The following ADAMTS7 variants were observed in gnomAD, a reference collection of about 807,000 sequenced individuals.
The protein encoded by ADAMTS7 is A disintegrin and metalloproteinase with thrombospondin motifs 7.
Under a neutral mutation model 172.6 loss-of-function variants are expected in ADAMTS7, and 89 were observed. The ratio of observed to expected loss-of-function variants is 0.52; its 90% CI spans 0.43 to 0.61. The LOEUF is 0.61. Among genes scored for constraint, ADAMTS7 ranks in the 20% least tolerant of loss-of-function variants. The pLI, the probability that ADAMTS7 is intolerant of heterozygous loss-of-function variation, is 0.00. For synonymous variants in ADAMTS7, 885 were observed against 978.4 expected, an observed-to-expected ratio of 0.90 and a Z score of 1.78; for missense variants, 1,973 against 2,355.6, an observed-to-expected ratio of 0.84 and a Z score of 3.36.
intron 16 of ADAMTS7, chr15:78,770,912 G>T: frequency 1.8e-6 from 1 of 541,748 alleles, no homozygotes; most frequent in South Asian, 2.4e-5. Flanking sequence ...CCTGGAGGGA[G>T]AACGCCAAGA....
At chr15:78,788,678 C>T (rs2055539283) in intron 7 of ADAMTS7, among the ~76,000 whole-genome samples, 1 of 152,256 alleles carries the variant, frequency 6.6e-6, no homozygotes, top group African/African-American at 2.4e-5. Flanking sequence ...TCAGGTGGCA[C>T]AGATGTGGGC....
At chr15:78,793,393 A>G (rs2055605821) in intron 4 of ADAMTS7, among the ~76,000 whole-genome samples, 1 of 148,242 alleles carries the variant, frequency 6.7e-6, no homozygotes, top group Admixed American at 6.8e-5. Context: ...TCACTTTGTC[A>G]CTCAAGATGG....
intron 4 of ADAMTS7, among the ~76,000 whole-genome samples, chr15:78,792,470 C>G (rs1308194221): frequency 6.6e-6 from 1 of 152,230 alleles, no homozygotes; most frequent in East Asian, 1.9e-4. Context: ...CAAACCTCAT[C>G]ATGACATGCC....
intron 1 of ADAMTS7, among the ~76,000 whole-genome samples, chr15:78,808,286 G>T (rs2055822092): frequency 6.6e-6 from 1 of 152,182 alleles, no homozygotes; most frequent in African/African-American, 2.4e-5. Context: ...ACCCAGGCTA[G>T]AATGCAGTGG....
Position 78,774,169 on chromosome 15 carries a change from T to G in ADAMTS7, c.2008A>C (p.Lys670Gln), listed in dbSNP as rs2055298711. The G allele has an allele frequency of 1.9e-6, 3 of 1,592,122 alleles. No individual in the cohort carries two copies. The highest frequency in any genetic ancestry group is 4.5e-4 in the Middle Eastern group (2 of 4,418). ...SRDLCINGIC[K>Q]NVGCDFEIDS... ...AGCCTCTTCCTAACCAGGCACACCTTACAGATGCCGTTGATGCAGAGGTCC... is the reference window on the plus strand; with the variant it reads ...AGCCTCTTCCTAACCAGGCACACCTGACAGATGCCGTTGATGCAGAGGTCC... Residue 670 changes from lysine to glutamine, a missense_variant and splice_region_variant, in exon 13 of 24, where the codon AAG becomes CAG. By Grantham distance (53) the Lys-to-Gln change is moderately conservative. This residue lies in a region of ADAMTS7 where 526 missense variants were observed against 662.9 expected (regional missense o/e 0.79). Coordinates refer to ENST00000388820, the MANE Select transcript of ADAMTS7 (RefSeq NM_014272.5).
At chr15:78,809,475 G>A (rs893065366) in intron 1 of ADAMTS7, among the ~76,000 whole-genome samples, 10 of 152,120 alleles carry the variant, frequency 6.6e-5, no homozygotes, top group Non-Finnish European at 1.3e-4. Context: ...TGCCTGGCCT[G>A]CCTCCACCCT....
rs752351565 is a variant in ADAMTS7 at position 78,771,427 on chromosome 15, G to A, written c.2377-124C>T. On this transcript the variant is annotated intron_variant, in intron 15 of 23. Coordinates refer to ENST00000388820, the MANE Select transcript of ADAMTS7 (RefSeq NM_014272.5). The surrounding 1 kb of genome is among the most constrained non-coding windows in gnomAD (Gnocchi z 4.9). ...AAGATTGGGCCATTTTAAAGATGGG[G>A]AAACTGAGGTAGAGGCCGCAGCAGG... is the stretch of plus-strand genomic sequence containing the variant. 1.3e-6 allele frequency: 2 copies of A among 1,553,260 alleles called. No homozygotes were observed. Among genetic ancestry groups the A allele is most frequent in the Non-Finnish European group, 1.7e-6 (2 of 1,147,070 alleles).
At position 78,767,533 on chromosome 15, in the gene ADAMTS7, C is replaced by A. The variant is rs147067027; in HGVS notation, c.2705G>T (p.Arg902Leu). The change falls in exon 18 of 24, where the codon CGC becomes CTC. Residue 902 changes from arginine to leucine, a missense_variant. This residue lies in a region of ADAMTS7 where 771 missense variants were observed against 952.6 expected (regional missense o/e 0.81). Coordinates refer to ENST00000388820, the MANE Select transcript of ADAMTS7 (RefSeq NM_014272.5). Reference sequence around the variant, plus strand: ...GCTGCGGATGCAGAGCACGGCCCGGCGGGAGAGGCCCCCAGGCCCGCAGGA... The same window carrying A: ...GCTGCGGATGCAGAGCACGGCCCGGAGGGAGAGGCCCCCAGGCCCGCAGGA... ...SSSCGPGGLSRRAVLCIRSVG... is the reference protein window; with the variant it reads ...SSSCGPGGLSLRAVLCIRSVG... 28 of 1,589,032 alleles carry A rather than the reference C, an allele frequency of 1.8e-5. No individual in the cohort carries two copies. The highest frequency in any genetic ancestry group is 1.1e-4 in the African/African-American group (8 of 74,630).
intron 8 of ADAMTS7, among the ~76,000 whole-genome samples, chr15:78,787,353 AAAAAAAC>A (rs1428149204): frequency 2.0e-5 from 3 of 151,006 alleles, no homozygotes; most frequent in African/African-American, 7.3e-5. Flanking sequence ...ATTTGAAAAA[AAAAAAAC>A]AAAAAAACAC....
At chr15:78,810,357 T>C (rs2055848384) in intron 1 of ADAMTS7, 1 of 152,288 alleles carries the variant, frequency 6.6e-6, no homozygotes, top group Non-Finnish European at 1.5e-5. Flanking sequence ...ACATCCTCGG[T>C]TACTGAATTC....
chr15:78,789,914 G>T lies in ADAMTS7; in HGVS notation c.1029-76C>A, dbSNP rs900061305. On this transcript the variant is annotated intron_variant, in intron 6 of 23. Coordinates refer to ENST00000388820, the MANE Select transcript of ADAMTS7 (RefSeq NM_014272.5). ...CCACCTGAGCTAAGGCCAGGGAAGGGTCCCCCCGAATTGATCCCAAGCGAA... is the reference window on the plus strand; with the variant it reads ...CCACCTGAGCTAAGGCCAGGGAAGGTTCCCCCCGAATTGATCCCAAGCGAA... 4 of 1,506,488 alleles carry T rather than the reference G, an allele frequency of 2.7e-6. No homozygotes were observed. In the African/African-American group the frequency reaches 5.6e-5, roughly 21 times the overall value. 93.3% of individuals were successfully genotyped at this position (1,506,488 alleles called of 1,614,324 possible). A position where few individuals can be genotyped will look rare whatever the true frequency, so the allele number is the denominator to read the frequency against.
At chr15:78,774,944 C>T (rs1596183531) in intron 11 of ADAMTS7, 151 bp from the exon 12 acceptor site, 6 of 992,264 alleles carry the variant, frequency 6.0e-6, no homozygotes, top group African/African-American at 3.3e-5. Context: ...TTGGGCTGCC[C>T]ACCCTCTGGC....
chr15:78,759,855 C>A (rs374342376), intron 23 of ADAMTS7, among the ~76,000 whole-genome samples: 20 of 152,160 alleles, frequency 1.3e-4, no homozygotes, highest in African/African-American at 1.7e-4. Context: ...CCCTCACATG[C>A]CTGTTAAAGA....
rs111544126 is a variant in ADAMTS7 at position 78,788,265 on chromosome 15, G to A, written c.1288C>T (p.Arg430Cys). 5.4e-5 allele frequency: 87 copies of A among 1,613,796 alleles called. 1 individual carries two copies. Among genetic ancestry groups the A allele is most frequent in the African/African-American group, 4.4e-4 (33 of 75,042 alleles). Residue 430 changes from arginine to cysteine, a missense_variant, in exon 8 of 24, where the codon CGC becomes TGC. Around this residue, in one of 8 missense-constraint regions of ADAMTS7, gnomAD observed 526 missense variants for 662.9 expected, o/e 0.79. Transcript: ENST00000388820. ...CTGGTGATATACTGGCGGCTGCAGC[G>A]GGACCAGGTGAGGGGAGCGGCGTCG... ...LYDAAPLTWS[R>C]CSRQYITRFL... is the part of the protein sequence containing the mutation.
At chr15:78,808,013 C>T (rs557593963) in intron 1 of ADAMTS7, among the ~76,000 whole-genome samples, 61 of 151,892 alleles carry the variant, frequency 4.0e-4, no homozygotes, top group Admixed American at 7.2e-4. Context: ...GACTACCAGG[C>T]CTGGATAATT....
At chr15:78,794,212 C>A (rs1426166610) in intron 4 of ADAMTS7, among the ~76,000 whole-genome samples, 1 of 152,194 alleles carries the variant, frequency 6.6e-6, no homozygotes, top group Non-Finnish European at 1.5e-5. Flanking sequence ...GCACTCCAGC[C>A]TGGGTGACAA....
intron 4 of ADAMTS7, among the ~76,000 whole-genome samples, chr15:78,795,769 G>A (rs984242669): frequency 2.0e-5 from 3 of 152,306 alleles, no homozygotes. Flanking sequence ...TTCCTCCCAG[G>A]GGCTGCAGGA....
At position 78,788,276 on chromosome 15, in the gene ADAMTS7, A is replaced by AG; in HGVS notation, c.1276dup (p.Leu426ProfsTer16). The AG allele has an allele frequency of 6.2e-7, 1 of 1,613,746 alleles. No homozygotes were observed. The highest frequency in any genetic ancestry group is 8.5e-7 in the Non-Finnish European group (1 of 1,179,994). ...CTGGCGGCTGCAGCGGGACCAGGTG[A>AG]GGGGAGCGGCGTCGTACAGGAGCTG... is the stretch of plus-strand genomic sequence containing the variant. On this transcript the variant is annotated frameshift_variant, in exon 8 of 24. Coordinates refer to ENST00000388820, the MANE Select transcript of ADAMTS7 (RefSeq NM_014272.5). LOFTEE classifies it high-confidence loss of function.
Position 78,774,211 on chromosome 15 carries a change from G to C in ADAMTS7, c.1966C>G (p.Gln656Glu), listed in dbSNP as rs1287087486. The part of the protein sequence containing the change: ...DAVVDGTPCY[Q>E]VRASRDLCIN... Reference sequence around the variant, plus strand: ...CAGAGGTCCCGGCTGGCTCGGACCTGGTAGCAGGGGGTGCCATCGACCACG... The same window carrying C: ...CAGAGGTCCCGGCTGGCTCGGACCTCGTAGCAGGGGGTGCCATCGACCACG... The change falls in exon 13 of 24, where the codon CAG becomes GAG. Residue 656 changes from glutamine to glutamate, a missense_variant. Transcript: ENST00000388820. 6.3e-7 allele frequency: 1 copy of C among 1,589,476 alleles called. No homozygotes were observed. Among genetic ancestry groups the C allele is most frequent in the Non-Finnish European group, 8.5e-7 (1 of 1,176,700 alleles).
Sources: allele counts gnomAD v4.1 joint callset (sites outside exome capture counted in the v4.1 genomes callset), GRCh38; gene constraint gnomAD v4.1.1; regional missense constraint gnomAD v4.1.1; non-coding constraint Gnocchi (gnomAD v3.1); transcripts MANE v1.5; gene names NCBI Gene and HGNC (gene_info 2026-07-23, HGNC 2026-07-21).